Variants in SPTSSA observed in about 807,000 individuals in gnomAD.
SPTSSA encodes the protein serine palmitoyltransferase small subunit A.
Under a neutral mutation model 9.1 loss-of-function variants are expected in SPTSSA, and 8 were observed. The observed-to-expected ratio is 0.88, with a 90% CI of 0.51 to 1.58. The LOEUF (loss-of-function observed/expected upper bound fraction) is 1.58, where lower values mean the gene tolerates loss of function less well. Ranked by LOEUF, SPTSSA falls within the 40% of genes most tolerant of loss-of-function variation. The pLI is 0.00. For synonymous variants in SPTSSA, 42 were observed against 37.7 expected, an observed-to-expected ratio of 1.11 and a Z score of -0.41; for missense variants, 100 against 93.8, an observed-to-expected ratio of 1.07 and a Z score of -0.27.
chr14:34,455,913 C>G (rs535386414), intron 1 of SPTSSA, among the ~76,000 whole-genome samples: 1 of 149,624 alleles, frequency 6.7e-6, no homozygotes, highest in South Asian at 2.1e-4. Flanking sequence ...GCCTGGGCAA[C>G]AGAACAAGAC....
chr14:34,435,155 A>T lies in SPTSSA; in HGVS notation c.*46T>A. On this transcript the variant is annotated 3_prime_UTR_variant, in exon 2 of 2. Transcript: ENST00000298130. ...TCTGATGGTCTCATTCCAACTTCGT[A>T]GGGTGGGTCTTCCCCAAGGAACCTC... 6.7e-7 allele frequency: 1 copy of T among 1,494,078 alleles called. No individual in the cohort carries two copies. The highest frequency in any genetic ancestry group is 9.3e-7 in the Non-Finnish European group (1 of 1,077,100). The allele number at this position is 1,494,078 out of a possible 1,614,324, so 92.6% of individuals were successfully genotyped here.
chr14:34,462,039 G>C (rs1373640024), intron 1 of SPTSSA, 57 bp downstream of exon 1: 5 of 1,187,146 alleles, frequency 4.2e-6, no homozygotes, highest in Non-Finnish European at 5.3e-6. Context: ...GGGGAAATGC[G>C]GCCCCGCGGC....
In SPTSSA at chr14:34,458,215, C is replaced by A. The variant is rs375048840; in HGVS notation, c.112+3881G>T. Among the ~76,000 whole-genome samples, 33 of 144,974 alleles carry A rather than the reference C, an allele frequency of 2.3e-4. 1 individual carries two copies. In the South Asian group the frequency reaches 3.7e-3, roughly 16 times the overall value. ...TTATATTCAATTGAGATTTTTTTTT[C>A]TTTTGAACAGGCTGTCACCTAGGCT... On this transcript the variant is annotated intron_variant, in intron 1 of 1. Coordinates refer to ENST00000298130, the MANE Select transcript of SPTSSA (RefSeq NM_138288.4).
chr14:34,442,474 T>C (rs61981473), intron 1 of SPTSSA, among the ~76,000 whole-genome samples: 3,672 of 152,322 alleles, frequency 0.024, 68 homozygotes, highest in Non-Finnish European at 0.036. Context: ...CACTCCAAGA[T>C]TGGACCCCAC....
rs533219766 is a variant in SPTSSA at position 34,437,870 on chromosome 14, A to T, written c.113-2566T>A. Reference sequence around the variant, plus strand: ...GGCTAGACTGCAGTTACACAATCATAGTTCACCACAGCCTCGACCTCCCAG... The same window carrying T: ...GGCTAGACTGCAGTTACACAATCATTGTTCACCACAGCCTCGACCTCCCAG... On this transcript the variant is annotated intron_variant, in intron 1 of 1. Coordinates refer to ENST00000298130, the MANE Select transcript of SPTSSA (RefSeq NM_138288.4). Among the ~76,000 whole-genome samples the T allele has an allele frequency of 9.9e-5, 15 of 152,246 alleles. 1 individual carries two copies. The South Asian group carries it at 3.1e-3, about 32-fold the overall frequency.
At position 34,462,133 on chromosome 14, in the gene SPTSSA, C is replaced by T; in HGVS notation, c.75G>A (p.Ala25=). The part of the protein sequence containing the change: ...WFYYQYLLVT[A]LYMLEPWERT... The stretch of plus-strand genomic sequence containing the variant: ...GCTCCCAGGGCTCCAGCATGTAGAG[C>T]GCCGTGACCAGCAGGTACTGGTAGT... The change falls in exon 1 of 2, where the codon GCG becomes GCA. Residue 25 remains alanine (A), a synonymous_variant. Coordinates refer to ENST00000298130, the MANE Select transcript of SPTSSA (RefSeq NM_138288.4). 1 of 1,530,292 alleles carries T rather than the reference C, an allele frequency of 6.5e-7. No individual in the cohort carries two copies. The allele number at this position is 1,530,292 out of a possible 1,614,324, so 94.8% of individuals were successfully genotyped here.
At chr14:34,449,859 A>G (rs1883488895) in intron 1 of SPTSSA, among the ~76,000 whole-genome samples, 1 of 152,206 alleles carries the variant, frequency 6.6e-6, no homozygotes, top group Admixed American at 6.5e-5. Context: ...AAACATATAC[A>G]TAACAGAGTA....
At chr14:34,460,003 C>T (rs1052756943) in intron 1 of SPTSSA, among the ~76,000 whole-genome samples, 10 of 152,118 alleles carry the variant, frequency 6.6e-5, no homozygotes, top group African/African-American at 2.4e-4. Flanking sequence ...GCTTACTAAT[C>T]ATTAATGGAT....
intron 1 of SPTSSA, among the ~76,000 whole-genome samples, chr14:34,461,295 C>G (rs1331921926): frequency 1.3e-5 from 2 of 152,310 alleles, no homozygotes; most frequent in African/African-American, 4.8e-5. Flanking sequence ...GGGAGCCTAT[C>G]TTCACAACCC....
intron 1 of SPTSSA, among the ~76,000 whole-genome samples, chr14:34,455,631 T>C (rs1484147339): frequency 6.6e-6 from 1 of 151,966 alleles, no homozygotes; most frequent in East Asian, 1.9e-4. Flanking sequence ...TATATTGAGA[T>C]GCAAAAAAAG....
rs76077232 is a variant in SPTSSA, at chr14:34,461,067, T to C, written c.112+1029A>G. 9.1e-3 allele frequency among the ~76,000 whole-genome samples: 1,391 copies of C among 152,306 alleles called. 16 individuals carry two copies. Among genetic ancestry groups the C allele is most frequent in the Middle Eastern group, 0.031 (9 of 292 alleles). On this transcript the variant is annotated intron_variant, in intron 1 of 1. Coordinates refer to ENST00000298130, the MANE Select transcript of SPTSSA (RefSeq NM_138288.4). Reference sequence around the variant, plus strand: ...TCAGTCACTCACTGGAATGCAACAATGCATTCGCAAAGTTATTCTGAAGTA... The same window carrying C: ...TCAGTCACTCACTGGAATGCAACAACGCATTCGCAAAGTTATTCTGAAGTA...
chr14:34,447,903 T>C (rs1883449714), intron 1 of SPTSSA, among the ~76,000 whole-genome samples: 1 of 152,130 alleles, frequency 6.6e-6, no homozygotes, highest in African/African-American at 2.4e-5. Flanking sequence ...CTTCAGATGA[T>C]CATGCAACAA....
At chr14:34,449,873 C>A (rs766559284) in intron 1 of SPTSSA, among the ~76,000 whole-genome samples, 2 of 152,092 alleles carry the variant, frequency 1.3e-5, no homozygotes, top group African/African-American at 4.8e-5. Context: ...CAGAGTATAC[C>A]GGCTATAATT....
rs1413806992 is a variant in SPTSSA, at chr14:34,433,188, T to C, written c.*2013A>G. The C allele has an allele frequency of 1.3e-5, 2 of 152,188 alleles. No individual in the cohort carries two copies. Among genetic ancestry groups the C allele is most frequent in the African/African-American group, 4.8e-5 (2 of 41,466 alleles). 9.4% of individuals were successfully genotyped at this position (152,188 alleles called of 1,614,324 possible). On this transcript the variant is annotated 3_prime_UTR_variant, in exon 2 of 2. Transcript: ENST00000298130. ...CTGTAAGACCAAACTTTATCTTCCATATGTCTCACAGGTCAGTGTTCATAA... is the reference window on the plus strand; with the variant it reads ...CTGTAAGACCAAACTTTATCTTCCACATGTCTCACAGGTCAGTGTTCATAA...
intron 1 of SPTSSA, among the ~76,000 whole-genome samples, chr14:34,440,173 C>CA (rs979238066): frequency 6.6e-6 from 1 of 152,046 alleles, no homozygotes; most frequent in African/African-American, 2.4e-5. Context: ...CAGCATCTAA[C>CA]AAAAAAACAT....
intron 1 of SPTSSA, among the ~76,000 whole-genome samples, chr14:34,457,293 G>A (rs938555893): frequency 7.0e-6 from 1 of 143,454 alleles, no homozygotes; most frequent in Admixed American, 6.8e-5. Flanking sequence ...ACTCTCAACA[G>A]GAATGGTTAC....
At chr14:34,456,900 A>G (rs1878493714) in intron 1 of SPTSSA, among the ~76,000 whole-genome samples, 1 of 146,086 alleles carries the variant, frequency 6.8e-6, no homozygotes, top group South Asian at 2.1e-4. Flanking sequence ...CTCCATCTCA[A>G]AAAAAAAAAG....
chr14:34,440,905 G>C (rs1883306594), intron 1 of SPTSSA, among the ~76,000 whole-genome samples: 1 of 151,392 alleles, frequency 6.6e-6, no homozygotes, highest in Non-Finnish European at 1.5e-5. Flanking sequence ...AGTAAAAAAA[G>C]AATCTGAAAC....
intron 1 of SPTSSA, among the ~76,000 whole-genome samples, chr14:34,446,002 C>T (rs370116415): frequency 1.3e-5 from 2 of 152,180 alleles, no homozygotes; most frequent in South Asian, 2.1e-4. Context: ...TTTTACAAAG[C>T]GATTTCATTC....
Sources: allele counts gnomAD v4.1 joint callset (sites outside exome capture counted in the v4.1 genomes callset), GRCh38; gene constraint gnomAD v4.1.1; transcripts MANE v1.5; gene names NCBI Gene and HGNC (gene_info 2026-07-23, HGNC 2026-07-21).